EYS: variants seen among roughly 807,000 people sequenced by gnomAD.
EYS encodes the protein EGF-like photoreceptor maintenance factor, also known as protein eyes shut homolog.
A neutral mutation model predicts 282.1 loss-of-function variants in EYS; 250 were observed. That is an observed-to-expected ratio of 0.89 (90% confidence interval 0.80 to 0.98). The LOEUF (loss-of-function observed/expected upper bound fraction) is 0.98, where lower values mean the gene tolerates loss of function less well. EYS is among the 50% of genes least tolerant of loss of function. The probability of loss-of-function intolerance (pLI) is 0.00; values close to 1 mark genes in which losing one functional copy is unlikely to be tolerated. For missense variants in EYS, 4,016 were observed against 3,709.0 expected (o/e 1.08, Z -2.15); for synonymous variants, 1,355 against 1,282.9 (o/e 1.06, Z -1.20).
intron 22 of EYS, among the ~76,000 whole-genome samples, chr6:64,640,902 C>A (rs9353998): frequency 0.2 from 30,595 of 152,090 alleles, 3,562 homozygotes; most frequent in East Asian, 0.34. Context: ...AATCTAAGGT[C>A]AGCTGCCCTA....
At chr6:63,785,288 T>C (rs1424750753) in intron 39 of EYS, among the ~76,000 whole-genome samples, 1 of 152,210 alleles carries the variant, frequency 6.6e-6, no homozygotes, top group Non-Finnish European at 1.5e-5. Context: ...ACAGAACTTC[T>C]AGTGAAAGGA....
intron 22 of EYS, among the ~76,000 whole-genome samples, chr6:64,761,079 T>G (rs528412634): frequency 3.9e-5 from 6 of 152,330 alleles, no homozygotes; most frequent in Non-Finnish European, 8.8e-5. Flanking sequence ...GGGGGTTTCG[T>G]AACTCTACTT....
intron 36 of EYS, among the ~76,000 whole-genome samples, chr6:63,842,699 T>G (rs944272945): frequency 6.6e-6 from 1 of 152,230 alleles, no homozygotes; most frequent in Non-Finnish European, 1.5e-5. Flanking sequence ...ATGTCCTGAA[T>G]GGTATGCCTA....
chr6:65,081,393 A>C (rs1054552350), intron 12 of EYS, among the ~76,000 whole-genome samples: 1 of 151,980 alleles, frequency 6.6e-6, no homozygotes, highest in Non-Finnish European at 1.5e-5. Flanking sequence ...TCATGCCCTT[A>C]CTTGTTCTGT....
intron 40 of EYS, among the ~76,000 whole-genome samples, chr6:63,772,710 CT>C (rs1562019289): frequency 6.6e-6 from 1 of 152,050 alleles, no homozygotes; most frequent in Non-Finnish European, 1.5e-5. Context: ...AAAAATTGGT[CT>C]TTTTCATTTT....
intron 19 of EYS, among the ~76,000 whole-genome samples, chr6:64,864,551 A>C (rs1035907145): frequency 4.7e-5 from 7 of 148,984 alleles, no homozygotes; most frequent in African/African-American, 1.7e-4. Context: ...ATGCCCAGCT[A>C]ATTTTTGTAT....
chr6:64,255,105 G>A (rs764138940), intron 30 of EYS, among the ~76,000 whole-genome samples: 3 of 152,008 alleles, frequency 2.0e-5, no homozygotes, highest in Non-Finnish European at 4.4e-5. Context: ...TTTGAAACAC[G>A]TTCACTTATT....
intron 31 of EYS, among the ~76,000 whole-genome samples, chr6:64,210,267 T>C (rs541308684): frequency 2.0e-5 from 3 of 152,342 alleles, no homozygotes; most frequent in East Asian, 1.9e-4. Context: ...TTATGTTACA[T>C]AGACTGAGTA....
At chr6:63,795,674 A>G (rs1311233524) in intron 37 of EYS, among the ~76,000 whole-genome samples, 1 of 152,180 alleles carries the variant, frequency 6.6e-6, no homozygotes, top group African/African-American at 2.4e-5. Context: ...TAAAGGTTTT[A>G]CTATTTATAC....
At chr6:65,301,812 A>T (rs1768842763) in intron 11 of EYS, among the ~76,000 whole-genome samples, 1 of 152,166 alleles carries the variant, frequency 6.6e-6, no homozygotes, top group African/African-American at 2.4e-5. Flanking sequence ...CCTGTGGGGA[A>T]GGCCTATACT....
At position 65,550,143 on chromosome 6, in the gene EYS, CTTTTTTTTTTTT is replaced by C. The variant is rs1048251073; in HGVS notation, c.-332-54162_-332-54151del. Among the ~76,000 whole-genome samples, 7 of 5,950 alleles carry C rather than the reference CTTTTTTTTTTTT, an allele frequency of 1.2e-3. 1 individual carries two copies. The highest frequency in any genetic ancestry group is 4.9e-4 in the Non-Finnish European group (2 of 4,062). The allele number at this position is 5,950 out of a possible 152,430, so 3.9% of individuals were successfully genotyped here. A position where few individuals can be genotyped will look rare whatever the true frequency, so the allele number is the denominator to read the frequency against. ...AAGTTAGTATCTGACTCTACTATAT[CTTTTTTTTTTTT>C]TTTTTTTTTTTTTTTTTTTTTTTTT... On this transcript the variant is annotated intron_variant, in intron 2 of 42. Coordinates refer to ENST00000503581, the MANE Select transcript of EYS (RefSeq NM_001142800.2).
At chr6:65,219,242 C>A (rs1292630987) in intron 12 of EYS, among the ~76,000 whole-genome samples, 2 of 152,050 alleles carry the variant, frequency 1.3e-5, no homozygotes, top group Non-Finnish European at 2.9e-5. Context: ...AGGCATTTGC[C>A]AATACAGGAA....
At chr6:65,263,930 G>A (rs970104422) in intron 12 of EYS, among the ~76,000 whole-genome samples, 16 of 151,638 alleles carry the variant, frequency 1.1e-4, no homozygotes, top group Non-Finnish European at 1.5e-5. Context: ...AAACAAGGAA[G>A]TAGAAAAAAA....
chr6:64,848,793 C>A (rs1583219934), intron 19 of EYS, among the ~76,000 whole-genome samples: 2 of 151,994 alleles, frequency 1.3e-5, no homozygotes, highest in Non-Finnish European at 2.9e-5. Flanking sequence ...ATGTTAAATT[C>A]TTCCTATGGC....
At chr6:64,304,359 ACT>A (rs1455600955) in intron 30 of EYS, among the ~76,000 whole-genome samples, 2 of 152,212 alleles carry the variant, frequency 1.3e-5, no homozygotes, top group African/African-American at 4.8e-5. Flanking sequence ...TTAAATAGCC[ACT>A]CTCAATAATT....
rs1384979688 is a variant in EYS at position 64,335,395 on chromosome 6, G to T, written c.6079-28313C>A. On this transcript the variant is annotated intron_variant, in intron 29 of 42. Coordinates refer to ENST00000503581, the MANE Select transcript of EYS (RefSeq NM_001142800.2). ...CAGCGAGTTTCTGCTTACCTCCCTA[G>T]CGTGCCTGCAGGGTCACAAGACTGA... Among the ~76,000 whole-genome samples, 3 of 151,952 alleles carry T rather than the reference G, an allele frequency of 2.0e-5. No homozygotes were observed. In the South Asian group the frequency reaches 6.2e-4, roughly 32 times the overall value.
At chr6:65,603,963 A>AT (rs1318961583) in intron 2 of EYS, among the ~76,000 whole-genome samples, 1 of 151,576 alleles carries the variant, frequency 6.6e-6, no homozygotes, top group Non-Finnish European at 1.5e-5. Flanking sequence ...CATGTTTTAG[A>AT]TTTTTTTCCT....
intron 5 of EYS, among the ~76,000 whole-genome samples, chr6:65,475,231 T>C (rs1401915349): frequency 6.6e-6 from 1 of 152,060 alleles, no homozygotes; most frequent in Non-Finnish European, 1.5e-5. Flanking sequence ...TATGAAAACA[T>C]TGTACAGAGT....
intron 11 of EYS, chr6:65,329,987 A>T: frequency 1.0e-6 from 1 of 982,430 alleles, no homozygotes; most frequent in Non-Finnish European, 1.2e-6. Context: ...ATCTCCTAAA[A>T]TAGCCTGTAA....
Sources: allele counts gnomAD v4.1 joint callset (sites outside exome capture counted in the v4.1 genomes callset), GRCh38; gene constraint gnomAD v4.1.1; transcripts MANE v1.5; gene names NCBI Gene and HGNC (gene_info 2026-07-23, HGNC 2026-07-21).